LTBP1: variants seen among roughly 807,000 people sequenced by gnomAD.
The protein encoded by LTBP1 is latent-transforming growth factor beta-binding protein 1.
In LTBP1, 129 loss-of-function variants were observed where a neutral mutation model predicts 207.6. That is an observed-to-expected ratio of 0.62 (90% confidence interval 0.54 to 0.72). The LOEUF (loss-of-function observed/expected upper bound fraction) is 0.72, where lower values mean the gene tolerates loss of function less well. Ranked by LOEUF, LTBP1 falls within the 30% of genes least tolerant of loss-of-function variation. The pLI, the probability that LTBP1 is intolerant of heterozygous loss-of-function variation, is 0.00. For synonymous variants in LTBP1, 963 were observed against 833.7 expected (o/e 1.16, Z -2.67); for missense variants, 2,281 against 2,217.2 (o/e 1.03, Z -0.58).
intron 5 of LTBP1, among the ~76,000 whole-genome samples, chr2:33,180,368 G>A (rs1388819261): frequency 1.3e-5 from 2 of 152,044 alleles, no homozygotes; most frequent in Non-Finnish European, 2.9e-5. Context: ...TGTCTTCTTG[G>A]AGTCCAGCCT....
chr2:33,322,746 A>T (rs552916598), intron 24 of LTBP1, among the ~76,000 whole-genome samples: 7 of 152,322 alleles, frequency 4.6e-5, no homozygotes, highest in African/African-American at 1.4e-4. Context: ...TACGAATGAG[A>T]AGTATAGTAC....
chr2:33,383,725 C>G (rs1346869260), intron 31 of LTBP1, among the ~76,000 whole-genome samples: 2 of 152,040 alleles, frequency 1.3e-5, no homozygotes, highest in African/African-American at 4.8e-5. Context: ...TTTGTGGAGA[C>G]AGAGTTTCAC....
chr2:33,036,408 A>G (rs1009910425), intron 3 of LTBP1, among the ~76,000 whole-genome samples: 1 of 151,806 alleles, frequency 6.6e-6, no homozygotes, highest in African/African-American at 2.4e-5. Flanking sequence ...GATAATGAAC[A>G]CTGGGTTGTT....
Position 33,265,828 on chromosome 2 carries a change from G to A in LTBP1, c.2617+2436G>A, listed in dbSNP as rs1370596944. On this transcript the variant is annotated intron_variant, in intron 15 of 33. Coordinates refer to ENST00000404816, the MANE Select transcript of LTBP1 (RefSeq NM_206943.4). ...AGGGGCATCATCATCAACTTTAACT[G>A]AATTTATGATACCACTGCAGGATGA... Among the ~76,000 whole-genome samples the A allele has an allele frequency of 2.0e-5, 3 of 152,276 alleles. No individual in the cohort carries two copies. The East Asian group carries it at 5.8e-4, about 29-fold the overall frequency.
chr2:32,958,408 C>T (rs924405046), intron 2 of LTBP1, among the ~76,000 whole-genome samples: 1 of 152,144 alleles, frequency 6.6e-6, no homozygotes, highest in Non-Finnish European at 1.5e-5. Flanking sequence ...TTCTAAGATC[C>T]TTGGGGGCTG....
At chr2:33,087,558 G>C (rs1408556425) in intron 3 of LTBP1, among the ~76,000 whole-genome samples, 3 of 152,132 alleles carry the variant, frequency 2.0e-5, no homozygotes, top group African/African-American at 7.2e-5. Flanking sequence ...ATCAGTCTTA[G>C]ACCTGAGGCC....
intron 31 of LTBP1, among the ~76,000 whole-genome samples, chr2:33,375,709 T>G (rs2095130779): frequency 6.7e-6 from 1 of 149,682 alleles, no homozygotes; most frequent in Non-Finnish European, 1.5e-5. Flanking sequence ...TTTGTATTTT[T>G]TTTTTTTTTT....
chr2:32,971,085 G>A (rs12472266), intron 2 of LTBP1, among the ~76,000 whole-genome samples: 26,575 of 150,704 alleles, frequency 0.18, 2,544 homozygotes, highest in East Asian at 0.29. Flanking sequence ...TTGATGTGGC[G>A]CTCAGCTTGG....
chr2:33,379,461 G>A (rs1291836968), intron 31 of LTBP1, among the ~76,000 whole-genome samples: 2 of 151,952 alleles, frequency 1.3e-5, no homozygotes, highest in Admixed American at 6.6e-5. Context: ...CACCCACCTC[G>A]GCCTCCCAAA....
chr2:33,223,671 T>C (rs1400693141), intron 9 of LTBP1, among the ~76,000 whole-genome samples: 3 of 152,196 alleles, frequency 2.0e-5, no homozygotes, highest in Non-Finnish European at 4.4e-5. Flanking sequence ...ATCTGTAGGA[T>C]GCATTAGTAG....
chr2:33,056,187 A>G, intron 3 of LTBP1: 1 of 288,818 alleles, frequency 3.5e-6, no homozygotes. Context: ...TAGCGCAGAA[A>G]AAAATGAGCC....
intron 2 of LTBP1, among the ~76,000 whole-genome samples, chr2:32,993,079 C>T (rs1219995688): frequency 6.6e-6 from 1 of 152,068 alleles, no homozygotes; most frequent in East Asian, 1.9e-4. Flanking sequence ...CCCACAGCAG[C>T]TGGCAGCGGG....
intron 24 of LTBP1, among the ~76,000 whole-genome samples, chr2:33,330,555 T>C (rs565334101): frequency 6.6e-6 from 1 of 151,974 alleles, no homozygotes; most frequent in South Asian, 2.1e-4. Flanking sequence ...TAATGTTCTT[T>C]ATCATGCTTG....
intron 2 of LTBP1, among the ~76,000 whole-genome samples, chr2:32,957,892 C>A (rs999175700): frequency 6.6e-6 from 1 of 152,214 alleles, no homozygotes; most frequent in Non-Finnish European, 1.5e-5. Context: ...TAGACACAGT[C>A]CATTGGATAC....
At chr2:33,200,308 C>T (rs1489811850) in intron 7 of LTBP1, among the ~76,000 whole-genome samples, 2 of 152,144 alleles carry the variant, frequency 1.3e-5, no homozygotes, top group South Asian at 2.1e-4. Context: ...ACAGAGCCCT[C>T]AGAAATAATG....
intron 7 of LTBP1, among the ~76,000 whole-genome samples, chr2:33,216,675 G>T (rs537403496): frequency 6.6e-5 from 10 of 152,296 alleles, no homozygotes; most frequent in African/African-American, 2.2e-4. Context: ...AAAAATGTGG[G>T]GTGTGTTAGC....
rs576064804 is a variant in LTBP1 at position 33,287,909 on chromosome 2, A to G, written c.3113-5251A>G. 7.9e-5 allele frequency among the ~76,000 whole-genome samples: 12 copies of G among 152,322 alleles called. 1 individual carries two copies. The South Asian group carries it at 1.7e-3, about 21-fold the overall frequency. On this transcript the variant is annotated intron_variant, in intron 19 of 33. Coordinates refer to ENST00000404816, the MANE Select transcript of LTBP1 (RefSeq NM_206943.4). ...ACCAACATCTGTCTCTCATTTTGCCATGCTTGCTTTTCTGCCAAATATGTT... is the reference window on the plus strand; with the variant it reads ...ACCAACATCTGTCTCTCATTTTGCCGTGCTTGCTTTTCTGCCAAATATGTT...
intron 3 of LTBP1, among the ~76,000 whole-genome samples, chr2:33,059,009 C>A (rs552269835): frequency 6.6e-6 from 1 of 152,106 alleles, no homozygotes; most frequent in East Asian, 1.9e-4. Flanking sequence ...CATTTACTGC[C>A]GCTTGAAGTT....
chr2:33,119,588 G>A (rs1041852635), intron 4 of LTBP1, among the ~76,000 whole-genome samples: 36 of 151,912 alleles, frequency 2.4e-4, no homozygotes, highest in African/African-American at 8.0e-4. Context: ...ATGGAGTCTC[G>A]CACTGTCACC....
Sources: allele counts gnomAD v4.1 joint callset (sites outside exome capture counted in the v4.1 genomes callset), GRCh38; gene constraint gnomAD v4.1.1; transcripts MANE v1.5; gene names NCBI Gene and HGNC (gene_info 2026-07-23, HGNC 2026-07-21).